Variants in PCBP3 observed in about 807,000 individuals in gnomAD.
PCBP3 encodes poly(rC)-binding protein 3.
PCBP3 carries 25 observed loss-of-function variants against 52.7 expected under a neutral mutation model. The observed-to-expected ratio is 0.47, with a 90% confidence interval of 0.35 to 0.66. The LOEUF is 0.66. Ranked by LOEUF, PCBP3 falls within the 30% of genes least tolerant of loss-of-function variation. The pLI is 0.01. For synonymous variants in PCBP3, 162 were observed against 183.0 expected (o/e 0.89, Z 0.93); for missense variants, 391 against 490.3 (o/e 0.80, Z 1.91).
intron 4 of PCBP3, among the ~76,000 whole-genome samples, chr21:45,816,287 T>C (rs1424041106): frequency 1.3e-5 from 2 of 152,134 alleles, no homozygotes; most frequent in Non-Finnish European, 2.9e-5. Context: ...ACTCTAACTT[T>C]TTTGCTTTAT....
At chr21:45,689,397 TA>T (rs77970279) in intron 2 of PCBP3, among the ~76,000 whole-genome samples, 9,609 of 151,918 alleles carry the variant, frequency 0.063, 384 homozygotes, top group East Asian at 0.21. Context: ...ACATTGATGA[TA>T]AAAAAAATTT....
At chr21:45,681,247 G>T (rs548231419) in intron 2 of PCBP3, among the ~76,000 whole-genome samples, 1 of 152,318 alleles carries the variant, frequency 6.6e-6, no homozygotes, top group South Asian at 2.1e-4. Flanking sequence ...CTAGTTTTCT[G>T]AGAGGTTTTA....
intron 2 of PCBP3, among the ~76,000 whole-genome samples, chr21:45,713,965 A>G (rs2084036377): frequency 6.6e-6 from 1 of 152,240 alleles, no homozygotes; most frequent in Non-Finnish European, 1.5e-5. Flanking sequence ...GTCACACTCC[A>G]GTTGTGTTCT....
chr21:45,927,945 G>A (rs1335462261), intron 13 of PCBP3, among the ~76,000 whole-genome samples: 2 of 152,170 alleles, frequency 1.3e-5, no homozygotes, highest in Non-Finnish European at 2.9e-5. Context: ...CTAGGAGTCG[G>A]GGGTTTGCGG....
chr21:45,870,377 C>T (rs1194967345), intron 5 of PCBP3, among the ~76,000 whole-genome samples: 1 of 152,188 alleles, frequency 6.6e-6, no homozygotes, highest in Non-Finnish European at 1.5e-5. Context: ...AGTGGTCTAT[C>T]ATCTTACCTG....
At chr21:45,662,322 T>C (rs1223843707) in intron 1 of PCBP3, among the ~76,000 whole-genome samples, 1 of 132,102 alleles carries the variant, frequency 7.6e-6, no homozygotes, top group Non-Finnish European at 1.6e-5. Flanking sequence ...GGTTTCACCA[T>C]ATTGCTTAGG....
At chr21:45,818,730 G>A (rs954142379) in intron 4 of PCBP3, among the ~76,000 whole-genome samples, 17 of 152,194 alleles carry the variant, frequency 1.1e-4, no homozygotes, top group Non-Finnish European at 2.4e-4. Context: ...TAGCAGCTTT[G>A]TTTATCATTG....
At chr21:45,820,247 C>G (rs897874100) in intron 4 of PCBP3, among the ~76,000 whole-genome samples, 2 of 152,254 alleles carry the variant, frequency 1.3e-5, no homozygotes, top group Non-Finnish European at 2.9e-5. Flanking sequence ...CTGGGAACAC[C>G]CAGTCCGGCT....
chr21:45,831,865 G>T (rs1042788293), intron 4 of PCBP3, among the ~76,000 whole-genome samples: 3 of 152,040 alleles, frequency 2.0e-5, no homozygotes, highest in Non-Finnish European at 4.4e-5. Flanking sequence ...CATGTGCCAG[G>T]ATGCCTGGCT....
intron 5 of PCBP3, among the ~76,000 whole-genome samples, chr21:45,883,746 G>T (rs2095455126): frequency 6.6e-6 from 1 of 152,004 alleles, no homozygotes; most frequent in Non-Finnish European, 1.5e-5. Flanking sequence ...TTTCCCATTA[G>T]TTTATCTTCA....
chr21:45,856,934 G>A (rs868579287), intron 5 of PCBP3, among the ~76,000 whole-genome samples: 3 of 152,162 alleles, frequency 2.0e-5, no homozygotes, highest in African/African-American at 4.8e-5. Flanking sequence ...TCTTGCTGAC[G>A]GTTGAGTTTG....
chr21:45,696,272 G>A (rs2082769064), intron 2 of PCBP3, among the ~76,000 whole-genome samples: 2 of 151,826 alleles, frequency 1.3e-5, no homozygotes. Context: ...TGGCTTCAGG[G>A]TAAACAAATT....
At chr21:45,850,748 A>G (rs1220743080) in intron 5 of PCBP3, among the ~76,000 whole-genome samples, 1 of 152,270 alleles carries the variant, frequency 6.6e-6, no homozygotes, top group Non-Finnish European at 1.5e-5. Flanking sequence ...TTCTAAGCAT[A>G]CAGAGAGCAT....
chr21:45,699,975 G>A (rs1033260887), intron 2 of PCBP3, among the ~76,000 whole-genome samples: 1 of 152,118 alleles, frequency 6.6e-6, no homozygotes, highest in Non-Finnish European at 1.5e-5. Flanking sequence ...CTTCCCAACA[G>A]TTCCCCAAAG....
intron 1 of PCBP3, among the ~76,000 whole-genome samples, chr21:45,665,436 G>A (rs1341188402): frequency 6.6e-6 from 1 of 151,908 alleles, no homozygotes; most frequent in Non-Finnish European, 1.5e-5. Flanking sequence ...ACTGATTTTT[G>A]TTAGTTAATT....
intron 15 of PCBP3, among the ~76,000 whole-genome samples, chr21:45,933,181 A>G (rs1425137512): frequency 6.7e-6 from 1 of 150,108 alleles, no homozygotes; most frequent in East Asian, 1.9e-4. Context: ...TGCTGTCTTG[A>G]GATGAATGAA....
At chr21:45,911,174 G>C (rs753358410) in intron 11 of PCBP3, 144 bp downstream of exon 11, 1 of 945,714 alleles carries the variant, frequency 1.1e-6, no homozygotes, top group East Asian at 2.5e-5. Flanking sequence ...GTCAGCCTGA[G>C]CGAGAGCGGT....
intron 9 of PCBP3, among the ~76,000 whole-genome samples, chr21:45,902,157 G>A (rs2149123497): frequency 6.6e-6 from 1 of 152,356 alleles, no homozygotes; most frequent in Admixed American, 6.5e-5. Context: ...GCCTTTTCCA[G>A]TGGGTCCTGA....
At chr21:45,873,819 A>G (rs944688352) in intron 5 of PCBP3, among the ~76,000 whole-genome samples, 2 of 152,212 alleles carry the variant, frequency 1.3e-5, no homozygotes, top group African/African-American at 4.8e-5. Context: ...TTTTTGAGAC[A>G]GGGTCTCGCT....
Sources: gnomAD v4.1 joint callset for allele counts (sites outside exome capture counted in the v4.1 genomes callset) on GRCh38, gnomAD v4.1.1 for gene constraint, MANE v1.5 for transcripts, NCBI Gene and HGNC (gene_info 2026-07-23, HGNC 2026-07-21) for gene names.